Variants in EFEMP2 observed in about 807,000 individuals in gnomAD.
EFEMP2 encodes EGF-like fibulin extracellular matrix protein 2.
A neutral mutation model predicts 55.3 loss-of-function variants in EFEMP2; 21 were observed. The ratio of observed to expected loss-of-function variants is 0.38; its 90% CI spans 0.27 to 0.55. EFEMP2 has a LOEUF of 0.55. Among genes scored for constraint, EFEMP2 ranks in the 20% least tolerant of loss-of-function variants. The pLI, the probability that EFEMP2 is intolerant of heterozygous loss-of-function variation, is 0.77. For missense variants in EFEMP2, 513 were observed against 615.1 expected (o/e 0.83, Z 1.76); for synonymous variants, 275 against 242.3 (o/e 1.14, Z -1.25).
chr11:65,868,245 C>T, intron 9 of EFEMP2, 50 bp downstream of exon 9: 1 of 1,610,980 alleles, frequency 6.2e-7, no homozygotes, highest in African/African-American at 1.3e-5. Flanking sequence ...AGCCCCAAAG[C>T]CCCCTGGGAG....
At position 65,872,370 on chromosome 11, in the gene EFEMP2, T is replaced by C; in HGVS notation, c.-7-9A>G. On this transcript the variant is annotated splice_polypyrimidine_tract_variant and intron_variant, in intron 1 of 10. Coordinates refer to ENST00000307998, the MANE Select transcript of EFEMP2 (RefSeq NM_016938.5). Reference sequence around the variant, plus strand: ...AGGGGAGCATCCTGGGGCTGCGAGATGGTGGACACGGGTCAGGGGCCTCTG... The same window carrying C: ...AGGGGAGCATCCTGGGGCTGCGAGACGGTGGACACGGGTCAGGGGCCTCTG... The C allele has an allele frequency of 2.0e-6, 3 of 1,537,102 alleles. No homozygotes were observed. Among genetic ancestry groups the C allele is most frequent in the Non-Finnish European group, 2.6e-6 (3 of 1,134,594 alleles).
chr11:65,871,175 C>A lies in EFEMP2; in HGVS notation c.349G>T (p.Asp117Tyr). The change falls in exon 4 of 11, where the codon GAT becomes TAT. Residue 117 changes from aspartate (D) to tyrosine (Y), a missense_variant. By Grantham distance (160) the Asp-to-Tyr change is radical. Coordinates refer to ENST00000307998, the MANE Select transcript of EFEMP2 (RefSeq NM_016938.5). ...NPCPPGYEPD[D>Y]QDSCVDVDEC... ...CACTCACCCACACAGCTGTCCTGAT[C>A]GTCGGGCTCATAGCCTGGTGGGCAG... The A allele has an allele frequency of 6.2e-7, 1 of 1,614,174 alleles. No homozygotes were observed. Among genetic ancestry groups the A allele is most frequent in the Non-Finnish European group, 8.5e-7 (1 of 1,180,030 alleles).
chr11:65,868,077 GAC>G (rs372468483), intron 9 of EFEMP2, 21 bp from the exon 10 acceptor site: 2 of 1,612,218 alleles, frequency 1.2e-6, no homozygotes, highest in South Asian at 1.1e-5. Context: ...CGAGGTGGGG[GAC>G]ACAAATGAGC....
chr11:65,867,150 C>G lies in EFEMP2; in HGVS notation c.1171-71G>C, dbSNP rs959740047. 3 of 1,589,596 alleles carry G rather than the reference C, an allele frequency of 1.9e-6. No individual in the cohort carries two copies. The African/African-American group carries it at 4.0e-5, about 21-fold the overall frequency. ...GTGCTAGGCCCCTGCCCCAGCGTCA[C>G]CTCCCTGCCCCGTGGCCGTGAGGCA... On this transcript the variant is annotated intron_variant, in intron 10 of 10. Coordinates refer to ENST00000307998, the MANE Select transcript of EFEMP2 (RefSeq NM_016938.5).
chr11:65,869,411 C>T (rs1002228928), intron 7 of EFEMP2: 7 of 259,226 alleles, frequency 2.7e-5, no homozygotes, highest in Admixed American at 9.5e-5. Flanking sequence ...GAATACACTA[C>T]GAGGGCAGGT....
chr11:65,870,024 C>A (rs1859937131), intron 6 of EFEMP2, 48 bp from the exon 7 acceptor site: 1 of 1,613,282 alleles, frequency 6.2e-7, no homozygotes, highest in Admixed American at 1.7e-5. Context: ...AGGAGGAGCC[C>A]AGAGCCTCCA....
chr11:65,867,752 G>A (rs1157805969), intron 10 of EFEMP2, 109 bp downstream of exon 10: 3 of 1,239,442 alleles, frequency 2.4e-6, no homozygotes, highest in Non-Finnish European at 3.5e-6. Flanking sequence ...CCGGGGGCGG[G>A]GCTTTGGGGG....
Position 65,867,832 on chromosome 11 carries a change from A to G in EFEMP2, c.1170+29T>C, listed in dbSNP as rs757403341. On this transcript the variant is annotated intron_variant, in intron 10 of 10. Transcript: ENST00000307998. ...CCTGGAGTTCAGTTTTAGATTGTGC[A>G]TGTCAGTTGAGGGTTGCAGAAACCT... 3.3e-5 allele frequency: 54 copies of G among 1,612,164 alleles called. 1 individual carries two copies. In the Admixed American group the frequency reaches 5.2e-4, roughly 15 times the overall value.
At chr11:65,871,924 C>T in intron 3 of EFEMP2, 46 bp downstream of exon 3, 3 of 1,549,766 alleles carry the variant, frequency 1.9e-6, no homozygotes, top group African/African-American at 1.4e-5. Flanking sequence ...AGCTATCAAT[C>T]CCTTTCCGGG....
intron 4 of EFEMP2, 83 bp downstream of exon 4, chr11:65,871,074 G>T: frequency 6.6e-7 from 1 of 1,509,814 alleles, no homozygotes; most frequent in South Asian, 1.1e-5. Context: ...TGGCCCTTTT[G>T]AGCTGGGGAG....
At chr11:65,870,761 G>A in intron 4 of EFEMP2, 103 bp from the exon 5 acceptor site, 2 of 1,563,552 alleles carry the variant, frequency 1.3e-6, no homozygotes, top group Non-Finnish European at 1.7e-6. Context: ...GCACGCGTAA[G>A]AGTTCACCAG....
chr11:65,866,493 G>T lies in EFEMP2; in HGVS notation c.*425C>A, dbSNP rs1274659017. Reference sequence around the variant, plus strand: ...AAAAACAGGCCCAGGGAACTACTAGGGCTTATCCAAATGTACAGTTTGAGG... The same window carrying T: ...AAAAACAGGCCCAGGGAACTACTAGTGCTTATCCAAATGTACAGTTTGAGG... On this transcript the variant is annotated 3_prime_UTR_variant, in exon 11 of 11. Coordinates refer to ENST00000307998, the MANE Select transcript of EFEMP2 (RefSeq NM_016938.5). The T allele has an allele frequency of 1.4e-6, 1 of 702,696 alleles. No individual in the cohort carries two copies. Among genetic ancestry groups the T allele is most frequent in the Admixed American group, 2.0e-5 (1 of 50,024 alleles). 43.5% of individuals were successfully genotyped at this position (702,696 alleles called of 1,614,324 possible).
At chr11:65,870,439 G>T in intron 5 of EFEMP2, 97 bp downstream of exon 5, 2 of 1,569,488 alleles carry the variant, frequency 1.3e-6, no homozygotes, top group Non-Finnish European at 1.7e-6. Flanking sequence ...GGCAGGGGCC[G>T]GGGGTGAAGC....
At chr11:65,867,210 T>C in intron 10 of EFEMP2, 131 bp from the exon 11 acceptor site, 1 of 1,072,728 alleles carries the variant, frequency 9.3e-7, no homozygotes, top group Non-Finnish European at 1.4e-6. Flanking sequence ...CACCCCAGCC[T>C]CTCATGCAGC....
chr11:65,868,706 G>T, intron 7 of EFEMP2, 77 bp from the exon 8 acceptor site: 1 of 1,591,314 alleles, frequency 6.3e-7, no homozygotes, highest in Non-Finnish European at 8.6e-7. Context: ...TTCCCAAGAA[G>T]GCCCAGCCCC....
At position 65,870,594 on chromosome 11, in the gene EFEMP2, A is replaced by C; in HGVS notation, c.432T>G (p.Pro144=). The C allele has an allele frequency of 6.2e-7, 1 of 1,614,158 alleles. No individual in the cohort carries two copies. The highest frequency in any genetic ancestry group is 8.5e-7 in the Non-Finnish European group (1 of 1,180,004). Residue 144 remains proline, a synonymous_variant, in exon 5 of 11, where the codon CCT becomes CCG. Transcript: ENST00000307998. The part of the protein sequence containing the change: ...CRPSQDCHNL[P]GSYQCTCPDG... ...CAGGGCAGGTGCACTGATAGGAGCC[A>C]GGCAAGTTATGGCAGTCCTGGCTGG...
At chr11:65,869,743 G>A (rs759507710) in intron 7 of EFEMP2, 114 bp downstream of exon 7, 3 of 1,526,248 alleles carry the variant, frequency 2.0e-6, no homozygotes, top group Non-Finnish European at 2.7e-6. Context: ...AGGCAGCTGG[G>A]TGCACAGTGA....
Position 65,866,489 on chromosome 11 carries a change from C to T in EFEMP2, c.*429G>A, listed in dbSNP as rs756909720. The T allele has an allele frequency of 1.2e-4, 84 of 702,572 alleles. 1 individual carries two copies. The highest frequency in any genetic ancestry group is 8.7e-4 in the South Asian group (59 of 67,564). The allele number at this position is 702,572 out of a possible 1,614,324, so 43.5% of individuals were successfully genotyped here. A position where few individuals can be genotyped will look rare whatever the true frequency, so the allele number is the denominator to read the frequency against. ...ATAGAAAAACAGGCCCAGGGAACTA[C>T]TAGGGCTTATCCAAATGTACAGTTT... On this transcript the variant is annotated 3_prime_UTR_variant, in exon 11 of 11. Coordinates refer to ENST00000307998, the MANE Select transcript of EFEMP2 (RefSeq NM_016938.5).
chr11:65,866,757 C>T lies in EFEMP2; in HGVS notation c.*161G>A, dbSNP rs756711623. 1.0e-6 allele frequency: 1 copy of T among 957,628 alleles called. No homozygotes were observed. Among genetic ancestry groups the T allele is most frequent in the South Asian group, 1.4e-5 (1 of 72,562 alleles). 59.3% of individuals were successfully genotyped at this position (957,628 alleles called of 1,614,324 possible). ...CATTTAGGTGAACTTGGCCTGCCCCCCCAAGTGCCACCCTGCCCCAGCCTG... is the reference window on the plus strand; with the variant it reads ...CATTTAGGTGAACTTGGCCTGCCCCTCCAAGTGCCACCCTGCCCCAGCCTG... On this transcript the variant is annotated 3_prime_UTR_variant, in exon 11 of 11. Transcript: ENST00000307998.
Sources: allele counts gnomAD v4.1 joint callset, GRCh38; gene constraint gnomAD v4.1.1; transcripts MANE v1.5; gene names NCBI Gene and HGNC (gene_info 2026-07-23, HGNC 2026-07-21).